Variants in SPEG observed in about 807,000 individuals in gnomAD.
SPEG encodes the protein striated muscle preferentially expressed protein kinase.
Under a neutral mutation model 300.4 loss-of-function variants are expected in SPEG, and 114 were observed. The ratio of observed to expected loss-of-function variants is 0.38; its 90% confidence interval spans 0.33 to 0.44. SPEG has a LOEUF of 0.44. SPEG is among the 20% of genes least tolerant of loss of function. SPEG has a pLI of 1.00. For synonymous variants in SPEG, 1,964 were observed against 2,018.9 expected, an observed-to-expected ratio of 0.97 and a Z score of 0.73; for missense variants, 4,201 against 4,586.2, an observed-to-expected ratio of 0.92 and a Z score of 2.43.
chr2:219,457,721 C>G (rs539750372), intron 6 of SPEG, among the ~76,000 whole-genome samples: 4 of 152,198 alleles, frequency 2.6e-5, no homozygotes, highest in Non-Finnish European at 4.4e-5. Context: ...GGCTGGCCCT[C>G]GGGTGGCAGT....
At position 219,451,028 on chromosome 2, in the gene SPEG, C is replaced by T; in HGVS notation, c.2114-108C>T. The T allele has an allele frequency of 8.6e-7, 1 of 1,168,810 alleles. No homozygotes were observed. The highest frequency in any genetic ancestry group is 1.2e-6 in the Non-Finnish European group (1 of 855,204). 72.4% of individuals were successfully genotyped at this position (1,168,810 alleles called of 1,614,324 possible). ...CCAAGTCCCTGCTTTCTAGAAGCCC[C>T]TCTGTCTGGGTTTGGCTTTCTAGGA... On this transcript the variant is annotated intron_variant, in intron 4 of 40. Transcript: ENST00000312358. This position sits in a 1 kb window ranked among gnomAD's most constrained non-coding sequence, Gnocchi z 6.4.
rs1367862532 is a variant in SPEG at position 219,477,584 on chromosome 2, A to G, written c.4730-105A>G. The G allele has an allele frequency of 1.6e-5, 22 of 1,363,506 alleles. No individual in the cohort carries two copies. Among genetic ancestry groups the G allele is most frequent in the Non-Finnish European group, 2.2e-5 (22 of 1,001,636 alleles). 84.5% of individuals were successfully genotyped at this position (1,363,506 alleles called of 1,614,324 possible). ...CCCAGCACCCCGCCTTGAGCCCCCA[A>G]CATTCTTGCACCTCTTCTCTCTTCT... On this transcript the variant is annotated intron_variant, in intron 20 of 40. Transcript: ENST00000312358. The surrounding 1 kb of genome is among the most constrained non-coding windows in gnomAD (Gnocchi z 6.4).
In SPEG at chr2:219,480,818, C is replaced by T; in HGVS notation, c.5369+121C>T. ...CACTCCTTCTTGCACTGCAAGGAGC[C>T]TCATGTGCATGAAGGTGGACACCCC... On this transcript the variant is annotated intron_variant, in intron 26 of 40. Coordinates refer to ENST00000312358, the MANE Select transcript of SPEG (RefSeq NM_005876.5). The surrounding 1 kb of genome is among the most constrained non-coding windows in gnomAD (Gnocchi z 5.3). The T allele has an allele frequency of 2.1e-6, 2 of 949,832 alleles. No homozygotes were observed. The highest frequency in any genetic ancestry group is 1.4e-5 in the South Asian group (1 of 73,746). The allele number at this position is 949,832 out of a possible 1,614,324, so 58.8% of individuals were successfully genotyped here.
chr2:219,449,045 G>T lies in SPEG; in HGVS notation c.1887G>T (p.Arg629=). 6.6e-7 allele frequency: 1 copy of T among 1,519,228 alleles called. No homozygotes were observed. The highest frequency in any genetic ancestry group is 8.8e-7 in the Non-Finnish European group (1 of 1,133,400). 94.1% of individuals were successfully genotyped at this position (1,519,228 alleles called of 1,614,324 possible). A position where few individuals can be genotyped will look rare whatever the true frequency, so the allele number is the denominator to read the frequency against. ...PEARTKAPPG[R]KREPPAQAVR... ...CCAGGACGAAAGCACCCCCCGGTCG[G>T]AAGCGGGAGCCCCCGGCGCAGGCCG... The change falls in exon 4 of 41, where the codon CGG becomes CGT. Residue 629 remains arginine, a synonymous_variant. Coordinates refer to ENST00000312358, the MANE Select transcript of SPEG (RefSeq NM_005876.5).
rs770384760 is a variant in SPEG, at chr2:219,462,014, G to A, written c.2573G>A (p.Arg858His). The A allele has an allele frequency of 8.7e-6, 14 of 1,611,670 alleles. No homozygotes were observed. Among genetic ancestry groups the A allele is most frequent in the South Asian group, 6.6e-5 (6 of 90,754 alleles). ...PTMKPSPSQNRRSSDTGSKAP... is the reference protein window; with the variant it reads ...PTMKPSPSQNHRSSDTGSKAP... ...ATGAAGCCCAGTCCCAGCCAGAACC[G>A]CCGTTCTTCTGACACTGGCTCCAAG... The change falls in exon 7 of 41, where the codon CGC becomes CAC. Residue 858 changes from arginine to histidine, a missense_variant. Transcript: ENST00000312358.
At chr2:219,472,110 C>T (rs1469741988) in intron 14 of SPEG, 117 bp from the exon 15 acceptor site, 1 of 1,522,546 alleles carries the variant, frequency 6.6e-7, no homozygotes, top group African/African-American at 1.4e-5. Flanking sequence ...ACCCTCTTGC[C>T]TTGCCCCTGC....
At chr2:219,490,381 C>T (rs200570749) in intron 36 of SPEG, 28 bp from the exon 37 acceptor site, 20 of 1,599,320 alleles carry the variant, frequency 1.3e-5, no homozygotes, top group African/African-American at 2.7e-5. Context: ...TCCTCTGAGC[C>T]GGTGGTGTCC....
In SPEG at chr2:219,481,419, C is replaced by T. The variant is rs376444717; in HGVS notation, c.5485C>T (p.Arg1829Trp). ...TTFLSLSREARGFLIKVLVQD... is the reference protein window; with the variant it reads ...TTFLSLSREAWGFLIKVLVQD... ...ATTCCTGAGCCTGAGCAGGGAGGCC[C>T]GGGGCTTCCTCATCAAAGTGTTGGT... The change falls in exon 27 of 41, where the codon CGG (arginine) becomes TGG (tryptophan). Residue 1829 changes from arginine (R) to tryptophan (W), a missense_variant. Arg to Trp is a moderately radical substitution (Grantham distance 101). Around this residue, in one of 4 missense-constraint regions of SPEG, gnomAD observed 1,047 missense variants for 1,356.8 expected, o/e 0.77. Coordinates refer to ENST00000312358, the MANE Select transcript of SPEG (RefSeq NM_005876.5). The surrounding 1 kb of genome is among the most constrained non-coding windows in gnomAD (Gnocchi z 5.4). The T allele has an allele frequency of 3.4e-5, 55 of 1,614,028 alleles. No individual in the cohort carries two copies. Among genetic ancestry groups the T allele is most frequent in the Non-Finnish European group, 4.1e-5 (48 of 1,180,018 alleles).
At position 219,484,576 on chromosome 2, in the gene SPEG, C is replaced by T. The variant is rs779975398; in HGVS notation, c.7113C>T (p.Gly2371=). 1 of 1,582,980 alleles carries T rather than the reference C, an allele frequency of 6.3e-7. No homozygotes were observed. Among genetic ancestry groups the T allele is most frequent in the South Asian group, 1.1e-5 (1 of 88,536 alleles). Residue 2371 remains glycine (G), a synonymous_variant, in exon 30 of 41, where the codon GGC becomes GGT. Transcript: ENST00000312358. ...TCCGTGGGGCCGAGGAGGAGGATGG[C>T]ATATACCGGCCCAGCCCGGCGGGGA... ...GPFRGAEEED[G]IYRPSPAGTP... is the part of the protein sequence containing the mutation.
chr2:219,440,031 C>G (rs1011347006), intron 1 of SPEG, among the ~76,000 whole-genome samples: 2 of 152,178 alleles, frequency 1.3e-5, no homozygotes, highest in Non-Finnish European at 1.5e-5. Context: ...CTTTGATGCT[C>G]TAGGAAACAA....
chr2:219,448,256 G>T lies in SPEG; in HGVS notation c.1098G>T (p.Ala366=). The T allele has an allele frequency of 6.2e-7, 1 of 1,612,208 alleles. No individual in the cohort carries two copies. ...CCAAGTCGTCCGGGCCCTCCCTGGC[G>T]GGCACCGCGGAATCCCGACCCCAGA... ...KKSKSSGPSL[A]GTAESRPQTP... Residue 366 remains alanine (A), a synonymous_variant, in exon 4 of 41, where the codon GCG becomes GCT. Transcript: ENST00000312358.
chr2:219,454,941 A>G (rs1017826120), intron 6 of SPEG, among the ~76,000 whole-genome samples: 4 of 152,166 alleles, frequency 2.6e-5, no homozygotes, highest in Non-Finnish European at 4.4e-5. Context: ...TAAAAATACA[A>G]AAATTAGCCA....
At chr2:219,468,809 CA>C (rs1559395844) in intron 11 of SPEG, 49 bp from the exon 12 acceptor site, 1 of 1,606,688 alleles carries the variant, frequency 6.2e-7, no homozygotes, top group African/African-American at 1.3e-5. Context: ...ACCCAGAGGG[CA>C]GGGCCCCTCA....
chr2:219,479,260 T>A lies in SPEG; in HGVS notation c.5085+59T>A. 6.8e-7 allele frequency: 1 copy of A among 1,476,818 alleles called. No individual in the cohort carries two copies. Among genetic ancestry groups the A allele is most frequent in the Admixed American group, 1.7e-5 (1 of 58,644 alleles). 91.5% of individuals were successfully genotyped at this position (1,476,818 alleles called of 1,614,324 possible). A position where few individuals can be genotyped will look rare whatever the true frequency, so the allele number is the denominator to read the frequency against. ...CACCAGCCTTCACCCACCTGAGCTT[T>A]GAGAACCAACAAATGGGTCCTGAGT... is the stretch of plus-strand genomic sequence containing the variant. On this transcript the variant is annotated intron_variant, in intron 23 of 40. Transcript: ENST00000312358. This position sits in a 1 kb window ranked among gnomAD's most constrained non-coding sequence, Gnocchi z 5.5.
Position 219,483,582 on chromosome 2 carries a change from TGCCGCAGCG to T in SPEG, c.6120_6128del (p.Pro2041_Arg2043del). 6.8e-7 allele frequency: 1 copy of T among 1,466,958 alleles called. No homozygotes were observed. The highest frequency in any genetic ancestry group is 8.9e-7 in the Non-Finnish European group (1 of 1,120,712). The allele number at this position is 1,466,958 out of a possible 1,614,324, so 90.9% of individuals were successfully genotyped here. ...CTGCACAAGGCGGCGTCTGTGGAGC[TGCCGCAGCG>T]CCGGAGCCCCAGCCCGGGAGCCACC... On this transcript the variant is annotated inframe_deletion, in exon 30 of 41. Coordinates refer to ENST00000312358, the MANE Select transcript of SPEG (RefSeq NM_005876.5).
At position 219,489,550 on chromosome 2, in the gene SPEG, C is replaced by T. The variant is rs1416424007; in HGVS notation, c.8532C>T (p.Thr2844=). The T allele has an allele frequency of 6.2e-7, 1 of 1,613,576 alleles. No individual in the cohort carries two copies. The highest frequency in any genetic ancestry group is 1.3e-5 in the African/African-American group (1 of 74,866). ...SLKAVGPPPQ[T]PPRRHRGLQA... is the part of the protein sequence containing the mutation. ...AGGCTGTGGGTCCACCACCCCAAAC[C>T]CCTCCACGAAGACACAGGGGCCTGC... Residue 2844 remains threonine, a synonymous_variant, in exon 36 of 41, where the codon ACC becomes ACT. Coordinates refer to ENST00000312358, the MANE Select transcript of SPEG (RefSeq NM_005876.5).
intron 4 of SPEG, 179 bp from the exon 5 acceptor site, chr2:219,450,957 C>T: frequency 1.6e-6 from 1 of 631,270 alleles, no homozygotes; most frequent in East Asian, 2.9e-5. Flanking sequence ...CTCCTTCTGA[C>T]TTCCTTTTTT....
In SPEG at chr2:219,480,709, T is replaced by C; in HGVS notation, c.5369+12T>C. ...GTTGCCTTCCTCTGGTAAGGACCCC[T>C]CTGCAATGTCCCAGCAGTCTCCTGG... is the stretch of plus-strand genomic sequence containing the variant. On this transcript the variant is annotated intron_variant, in intron 26 of 40. Transcript: ENST00000312358. The surrounding 1 kb of genome is among the most constrained non-coding windows in gnomAD (Gnocchi z 5.3). The C allele has an allele frequency of 6.2e-7, 1 of 1,613,530 alleles. No homozygotes were observed. The highest frequency in any genetic ancestry group is 8.5e-7 in the Non-Finnish European group (1 of 1,179,540).
rs372144066 is a variant in SPEG at position 219,481,280 on chromosome 2, T to C, written c.5370-24T>C. The C allele has an allele frequency of 1.9e-5, 31 of 1,611,810 alleles. No homozygotes were observed. The African/African-American group carries it at 3.7e-4, about 19-fold the overall frequency. On this transcript the variant is annotated intron_variant, in intron 26 of 40. Transcript: ENST00000312358. The surrounding 1 kb of genome is among the most constrained non-coding windows in gnomAD (Gnocchi z 5.4). ...CCCCTTTGTCCCCGCCTGCCCCTCA[T>C]GACAGCCCTCTTCACCCCTGCAGTC... is the stretch of plus-strand genomic sequence containing the variant.
Sources: allele counts gnomAD v4.1 joint callset (sites outside exome capture counted in the v4.1 genomes callset), GRCh38; gene constraint gnomAD v4.1.1; regional missense constraint gnomAD v4.1.1; non-coding constraint Gnocchi (gnomAD v3.1); transcripts MANE v1.5; gene names NCBI Gene and HGNC (gene_info 2026-07-23, HGNC 2026-07-21).